The following TBL1XR1 variants were observed in gnomAD, a reference collection of about 807,000 sequenced individuals.
The protein encoded by TBL1XR1 is F-box-like/WD repeat-containing protein TBL1XR1.
In TBL1XR1, 5 loss-of-function variants were observed where a neutral mutation model predicts 66.9. The observed-to-expected ratio is 0.07, with a 90% confidence interval of 0.04 to 0.16. The LOEUF (loss-of-function observed/expected upper bound fraction) is 0.16, where lower values mean the gene tolerates loss of function less well. Among genes scored for constraint, TBL1XR1 ranks in the 10% least tolerant of loss-of-function variants. The pLI, the probability that TBL1XR1 is intolerant of heterozygous loss-of-function variation, is 1.00. For synonymous variants in TBL1XR1, 210 were observed against 206.0 expected, an observed-to-expected ratio of 1.02 and a Z score of -0.17; for missense variants, 238 against 623.2, an observed-to-expected ratio of 0.38 and a Z score of 6.58.
intron 14 of TBL1XR1, among the ~76,000 whole-genome samples, chr3:177,030,852 C>G (rs1306793955): frequency 1.3e-5 from 2 of 152,144 alleles, no homozygotes; most frequent in Non-Finnish European, 2.9e-5. Flanking sequence ...TGGCTCACAC[C>G]TGTAATCCCA....
intron 1 of TBL1XR1, among the ~76,000 whole-genome samples, chr3:177,140,692 G>A (rs78598266): frequency 0.02 from 3,049 of 152,288 alleles, 53 homozygotes; most frequent in African/African-American, 0.031. Flanking sequence ...GACAGTGGGA[G>A]ATTCTCCTTT....
At chr3:177,044,652 T>A (rs913688117) in intron 10 of TBL1XR1, among the ~76,000 whole-genome samples, 1 of 152,168 alleles carries the variant, frequency 6.6e-6, no homozygotes, top group African/African-American at 2.4e-5. Flanking sequence ...ATACAGTTCA[T>A]TTTATGTCAA....
chr3:177,156,296 G>A (rs1269468614), intron 1 of TBL1XR1, among the ~76,000 whole-genome samples: 1 of 151,136 alleles, frequency 6.6e-6, no homozygotes, highest in African/African-American at 2.4e-5. Context: ...TCAGGAGTTT[G>A]AGACCAGCCT....
In TBL1XR1 at chr3:177,028,206, G is replaced by T. The variant is rs114927387; in HGVS notation, c.1417-1732C>A. Among the ~76,000 whole-genome samples, 558 of 152,030 alleles carry T rather than the reference G, an allele frequency of 3.7e-3. 3 individuals carry two copies. Among genetic ancestry groups the T allele is most frequent in the African/African-American group, 0.012 (517 of 41,468 alleles). The stretch of plus-strand genomic sequence containing the variant: ...TTAGGCAACTCATCATACAAGAAAG[G>T]GGAAAACAAAAAACCTGGATGTATA... On this transcript the variant is annotated intron_variant, in intron 14 of 15. Transcript: ENST00000457928.
chr3:177,130,856 T>G (rs978727618), intron 1 of TBL1XR1, among the ~76,000 whole-genome samples: 1 of 152,050 alleles, frequency 6.6e-6, no homozygotes, highest in African/African-American at 2.4e-5. Flanking sequence ...TTAGAGGTAC[T>G]GTGAAATTGG....
intron 1 of TBL1XR1, among the ~76,000 whole-genome samples, chr3:177,166,243 T>C (rs1732805606): frequency 6.6e-6 from 1 of 151,676 alleles, no homozygotes; most frequent in African/African-American, 2.4e-5. Flanking sequence ...ACAATAACAA[T>C]GATAATGAGA....
At chr3:177,088,586 T>C (rs1722439978) in intron 2 of TBL1XR1, among the ~76,000 whole-genome samples, 1 of 152,168 alleles carries the variant, frequency 6.6e-6, no homozygotes, top group African/African-American at 2.4e-5. Flanking sequence ...GCCTTTCACG[T>C]GATACTACAG....
chr3:177,118,844 G>C (rs1726629480), intron 1 of TBL1XR1, among the ~76,000 whole-genome samples: 1 of 146,444 alleles, frequency 6.8e-6, no homozygotes, highest in South Asian at 2.2e-4. Flanking sequence ...ATACGATTTA[G>C]CATTGTAACC....
At chr3:177,183,523 T>G (rs983659959) in intron 1 of TBL1XR1, among the ~76,000 whole-genome samples, 1 of 152,092 alleles carries the variant, frequency 6.6e-6, no homozygotes, top group East Asian at 1.9e-4. Context: ...AAGCAAAAAT[T>G]TTTTTGAGAC....
intron 2 of TBL1XR1, among the ~76,000 whole-genome samples, chr3:177,084,786 C>T (rs1403265626): frequency 1.3e-5 from 2 of 152,252 alleles, no homozygotes; most frequent in Admixed American, 1.3e-4. Flanking sequence ...TAACAGGAAA[C>T]TCCAATGCCA....
At chr3:177,152,028 T>C (rs1167552829) in intron 1 of TBL1XR1, among the ~76,000 whole-genome samples, 2 of 152,080 alleles carry the variant, frequency 1.3e-5, no homozygotes, top group African/African-American at 4.8e-5. Flanking sequence ...CTGTACTCTT[T>C]TGTCCTAAAT....
chr3:177,143,760 T>C (rs1370434166), intron 1 of TBL1XR1, among the ~76,000 whole-genome samples: 1 of 152,236 alleles, frequency 6.6e-6, no homozygotes, highest in Non-Finnish European at 1.5e-5. Context: ...GCTAATTATA[T>C]AAGATGGGTC....
intron 2 of TBL1XR1, among the ~76,000 whole-genome samples, chr3:177,071,381 T>A (rs1474152797): frequency 1.3e-5 from 2 of 152,188 alleles, no homozygotes; most frequent in Non-Finnish European, 2.9e-5. Context: ...ACAGTAATGT[T>A]TATGAAACAC....
chr3:177,117,055 G>A (rs1403583016), intron 1 of TBL1XR1, among the ~76,000 whole-genome samples: 1 of 152,162 alleles, frequency 6.6e-6, no homozygotes, highest in East Asian at 1.9e-4. Flanking sequence ...TCCGAAAATG[G>A]GGTAACGATT....
intron 6 of TBL1XR1, 89 bp from the exon 7 acceptor site, chr3:177,050,227 G>T: frequency 6.9e-7 from 1 of 1,457,482 alleles, no homozygotes; most frequent in Admixed American, 2.1e-5. Context: ...TATTAATAAG[G>T]CAAATAAAAA....
At chr3:177,158,489 T>A (rs768998870) in intron 1 of TBL1XR1, among the ~76,000 whole-genome samples, 4 of 151,966 alleles carry the variant, frequency 2.6e-5, no homozygotes, top group African/African-American at 4.8e-5. Flanking sequence ...GGCCTCCCAA[T>A]GTGCTGGGAT....
chr3:177,097,991 G>A (rs1221818650), intron 2 of TBL1XR1, among the ~76,000 whole-genome samples: 1 of 152,144 alleles, frequency 6.6e-6, no homozygotes, highest in African/African-American at 2.4e-5. Flanking sequence ...CGGATCACCT[G>A]CGGTCAGGGG....
At chr3:177,091,856 T>C (rs1223482403) in intron 2 of TBL1XR1, among the ~76,000 whole-genome samples, 1 of 152,122 alleles carries the variant, frequency 6.6e-6, no homozygotes. Context: ...ACGAAATATC[T>C]GTTGGGGAAA....
chr3:177,197,786 A>G (rs1234410474), upstream of TBL1XR1, among the ~76,000 whole-genome samples: 2 of 145,576 alleles, frequency 1.4e-5, no homozygotes, highest in Non-Finnish European at 3.0e-5. Flanking sequence ...TGTGCGGCGC[A>G]TTCTTTTAAA....
Sources: allele counts gnomAD v4.1 joint callset (sites outside exome capture counted in the v4.1 genomes callset), GRCh38; gene constraint gnomAD v4.1.1; transcripts MANE v1.5; gene names NCBI Gene and HGNC (gene_info 2026-07-23, HGNC 2026-07-21).